The following REDIC1 variants were observed in gnomAD, a reference collection of about 807,000 sequenced individuals.
REDIC1 encodes the protein regulator of DNA class I crossover intermediates 1, also known as HEI10 Interacting Protein 1.
the REDIC1 span, among the ~76,000 whole-genome samples, chr12:39,689,373 T>A: frequency 2.0e-5 from 3 of 152,200 alleles, no homozygotes; most frequent in African/African-American, 7.2e-5. Flanking sequence ...ATACCTAGCA[T>A]CACTCTGATT....
chr12:39,636,944 G>A, the REDIC1 span, among the ~76,000 whole-genome samples: 3 of 151,852 alleles, frequency 2.0e-5, no homozygotes, highest in Non-Finnish European at 2.9e-5. Context: ...AAAAAAGAAA[G>A]TATTTCTTTA....
At chr12:39,664,652 C>T in the REDIC1 span, among the ~76,000 whole-genome samples, 5 of 152,350 alleles carry the variant, frequency 3.3e-5, no homozygotes, top group East Asian at 5.8e-4. Context: ...AATCACCACA[C>T]CATCTTCCAC....
At chr12:39,685,627 C>A in the REDIC1 span, among the ~76,000 whole-genome samples, 1 of 152,130 alleles carries the variant, frequency 6.6e-6, no homozygotes, top group Non-Finnish European at 1.5e-5. Context: ...CAAACCATAT[C>A]TTTCCACCCC....
At chr12:39,771,911 A>G in the REDIC1 span, among the ~76,000 whole-genome samples, 1 of 152,246 alleles carries the variant, frequency 6.6e-6, no homozygotes, top group Admixed American at 6.5e-5. Context: ...GTCTAGACCC[A>G]GTATCTCCTA....
At chr12:39,871,044 T>C in the REDIC1 span, among the ~76,000 whole-genome samples, 627 of 152,250 alleles carry the variant, frequency 4.1e-3, 6 homozygotes, top group African/African-American at 0.014. Context: ...TATTAGAGTA[T>C]AGCTAATTGA....
the REDIC1 span, among the ~76,000 whole-genome samples, chr12:39,653,543 TTC>T: frequency 7.7e-5 from 1 of 13,032 alleles, no homozygotes; most frequent in South Asian, 1.8e-3. Context: ...CTTCTTTTTC[TTC>T]TTCTTCTTCT....
the REDIC1 span, among the ~76,000 whole-genome samples, chr12:39,777,362 T>C: frequency 3.3e-5 from 5 of 152,092 alleles, no homozygotes; most frequent in African/African-American, 4.8e-5. Flanking sequence ...TAGATGAAGG[T>C]CATCAAATTA....
At chr12:39,896,250 A>G in the REDIC1 span, among the ~76,000 whole-genome samples, 3 of 99,822 alleles carry the variant, frequency 3.0e-5, no homozygotes, top group African/African-American at 1.1e-4. Context: ...ATATGTATAC[A>G]TGTATGTATA....
the REDIC1 span, among the ~76,000 whole-genome samples, chr12:39,666,435 A>G: frequency 6.6e-6 from 1 of 152,172 alleles, no homozygotes; most frequent in Non-Finnish European, 1.5e-5. Flanking sequence ...CATGGTGGAT[A>G]AGCTTTTTGA....
chr12:39,711,893 ATACACG>A, the REDIC1 span, among the ~76,000 whole-genome samples: 1 of 125,036 alleles, frequency 8.0e-6, no homozygotes, highest in Non-Finnish European at 1.7e-5. Flanking sequence ...GTGTATGTGT[ATACACG>A]TATACACATG....
At chr12:39,721,067 G>A in the REDIC1 span, 1 of 1,613,814 alleles carries the variant, frequency 6.2e-7, no homozygotes, top group Non-Finnish European at 8.5e-7. Context: ...GCTGCAAGGT[G>A]TGATGCAGGG....
chr12:39,661,555 C>A, the REDIC1 span, among the ~76,000 whole-genome samples: 1 of 151,794 alleles, frequency 6.6e-6, no homozygotes, highest in South Asian at 2.1e-4. Flanking sequence ...GGATATTAGT[C>A]CTTTGTCAGA....
At chr12:39,701,429 T>G in the REDIC1 span, among the ~76,000 whole-genome samples, 1 of 152,160 alleles carries the variant, frequency 6.6e-6, no homozygotes, top group South Asian at 2.1e-4. Flanking sequence ...GCACCCAGAT[T>G]CATAAAGCAA....
the REDIC1 span, among the ~76,000 whole-genome samples, chr12:39,709,623 T>A: frequency 5.9e-4 from 89 of 151,870 alleles, no homozygotes; most frequent in African/African-American, 2.1e-3. Context: ...TTGTTTCACT[T>A]AGCATAATGT....
chr12:39,705,966 C>G, the REDIC1 span, among the ~76,000 whole-genome samples: 2 of 151,840 alleles, frequency 1.3e-5, no homozygotes, highest in Non-Finnish European at 2.9e-5. Context: ...GAAGTTCTAT[C>G]TAGAGCATGA....
At chr12:39,714,302 T>C in the REDIC1 span, among the ~76,000 whole-genome samples, 31 of 149,460 alleles carry the variant, frequency 2.1e-4, 9 homozygotes, top group East Asian at 5.9e-4. Context: ...CATGCATATA[T>C]GTATATACGT....
chr12:39,693,612 T>C, the REDIC1 span, among the ~76,000 whole-genome samples: 1 of 152,168 alleles, frequency 6.6e-6, no homozygotes, highest in Non-Finnish European at 1.5e-5. Flanking sequence ...GATTCCTCTG[T>C]GTTAGTGCTA....
the REDIC1 span, among the ~76,000 whole-genome samples, chr12:39,789,029 A>G: frequency 2.0e-5 from 3 of 152,140 alleles, no homozygotes; most frequent in African/African-American, 7.2e-5. Flanking sequence ...TCTGTTATAC[A>G]TACAAAGAAG....
At chr12:39,871,178 TAATA>T in the REDIC1 span, among the ~76,000 whole-genome samples, 1 of 152,044 alleles carries the variant, frequency 6.6e-6, no homozygotes, top group East Asian at 1.9e-4. Context: ...TACAGTGAAA[TAATA>T]AATAAAATGG....
Sources: allele counts gnomAD v4.1 joint callset (sites outside exome capture counted in the v4.1 genomes callset), GRCh38; gene constraint gnomAD v4.1.1; transcripts MANE v1.5; gene names NCBI Gene and HGNC (gene_info 2026-07-23, HGNC 2026-07-21).